RHOBTB1: variants seen among roughly 807,000 people sequenced by gnomAD.
RHOBTB1 encodes Rho related BTB domain containing 1.
RHOBTB1 carries 40 observed loss-of-function variants against 71.6 expected under a neutral mutation model. The observed-to-expected ratio is 0.56, with a 90% CI of 0.43 to 0.73. RHOBTB1 has a LOEUF of 0.73. Among genes scored for constraint, RHOBTB1 ranks in the 30% least tolerant of loss-of-function variants. The pLI is 0.00. For synonymous variants in RHOBTB1, 319 were observed against 334.9 expected (o/e 0.95, Z 0.52); for missense variants, 797 against 894.0 (o/e 0.89, Z 1.38).
chr10:60,916,591 G>T (rs1336411843), intron 2 of RHOBTB1, among the ~76,000 whole-genome samples: 1 of 152,150 alleles, frequency 6.6e-6, no homozygotes, highest in Non-Finnish European at 1.5e-5. Context: ...TCAGATGATA[G>T]GTCCCTTTTG....
rs1307579957 is a variant in RHOBTB1 at position 60,944,159 on chromosome 10, C to T, written c.-250G>A. 1 of 152,048 alleles carries T rather than the reference C, an allele frequency of 6.6e-6. No individual in the cohort carries two copies. Among genetic ancestry groups the T allele is most frequent in the East Asian group, 2.0e-4 (1 of 5,088 alleles). The allele number at this position is 152,048 out of a possible 1,614,324, so 9.4% of individuals were successfully genotyped here. ...GGCACTGCCTCGCCCTGCCGCCTCG[C>T]CCGGCGCCGTGGCCGCTCTTCCCAG... On this transcript the variant is annotated 5_prime_UTR_variant, in exon 1 of 11. Transcript: ENST00000337910.
intron 4 of RHOBTB1, among the ~76,000 whole-genome samples, chr10:60,900,651 A>T (rs1239209744): frequency 6.6e-6 from 1 of 152,236 alleles, no homozygotes; most frequent in Non-Finnish European, 1.5e-5. Context: ...AAAAGGCCTT[A>T]TGGATATCAG....
intron 2 of RHOBTB1, among the ~76,000 whole-genome samples, chr10:60,917,468 G>T (rs918708737): frequency 3.3e-5 from 5 of 152,172 alleles, no homozygotes; most frequent in African/African-American, 1.2e-4. Flanking sequence ...AGTTCTGGAG[G>T]CTGGAAGTCT....
chr10:60,872,033 G>A, intron 10 of RHOBTB1, 152 bp downstream of exon 10: 1 of 691,968 alleles, frequency 1.4e-6, no homozygotes, highest in Non-Finnish European at 2.6e-6. Flanking sequence ...AATTCCTTAT[G>A]TCATCTCACA....
chr10:60,917,937 A>T (rs1409018381), intron 2 of RHOBTB1, among the ~76,000 whole-genome samples: 4 of 152,250 alleles, frequency 2.6e-5, no homozygotes, highest in Admixed American at 2.6e-4. Context: ...GTATCAATAA[A>T]GAGTTCTAGC....
intron 2 of RHOBTB1, among the ~76,000 whole-genome samples, chr10:60,927,733 A>G (rs2083972086): frequency 6.6e-6 from 1 of 152,218 alleles, no homozygotes; most frequent in African/African-American, 2.4e-5. Flanking sequence ...TTAAATACTT[A>G]TATCTAAGAC....
chr10:60,942,919 G>C (rs904122905), intron 1 of RHOBTB1, among the ~76,000 whole-genome samples: 7 of 151,960 alleles, frequency 4.6e-5, no homozygotes, highest in African/African-American at 1.7e-4. Context: ...GCAGCGGTTG[G>C]GGGTGGGGGA....
At chr10:60,943,255 T>C (rs2085013031) in intron 1 of RHOBTB1, among the ~76,000 whole-genome samples, 2 of 152,250 alleles carry the variant, frequency 1.3e-5, no homozygotes, top group Non-Finnish European at 2.9e-5. Context: ...TGTTTGATAC[T>C]GCTGGGGATG....
chr10:60,915,434 A>C (rs1179686610), intron 2 of RHOBTB1, among the ~76,000 whole-genome samples: 2 of 152,140 alleles, frequency 1.3e-5, no homozygotes, highest in Non-Finnish European at 2.9e-5. Flanking sequence ...GGAGACAAGG[A>C]AGGTAGAAAG....
intron 2 of RHOBTB1, among the ~76,000 whole-genome samples, chr10:60,936,783 A>G (rs890787196): frequency 2.6e-5 from 4 of 152,230 alleles, no homozygotes; most frequent in African/African-American, 9.6e-5. Flanking sequence ...AAGCTTGAGC[A>G]CAGCTCTAAA....
At chr10:60,949,873 A>G (rs2085355037) in intron 2 of RHOBTB1, among the ~76,000 whole-genome samples, 2 of 152,206 alleles carry the variant, frequency 1.3e-5, no homozygotes, top group East Asian at 1.9e-4. Flanking sequence ...CTGGGCACCA[A>G]TGAAATGTAG....
chr10:60,933,954 T>G (rs73266026), intron 2 of RHOBTB1, among the ~76,000 whole-genome samples: 9,754 of 152,200 alleles, frequency 0.064, 551 homozygotes, highest in African/African-American at 0.15. Flanking sequence ...GATTGAGATA[T>G]AGATATACTA....
At chr10:60,996,509 G>T (rs2087055695) in intron 1 of RHOBTB1, among the ~76,000 whole-genome samples, 1 of 152,122 alleles carries the variant, frequency 6.6e-6, no homozygotes, top group Non-Finnish European at 1.5e-5. Flanking sequence ...GTCCACCATT[G>T]TAGATGACCT....
At chr10:60,911,981 C>T (rs2082998635) in intron 2 of RHOBTB1, among the ~76,000 whole-genome samples, 1 of 152,110 alleles carries the variant, frequency 6.6e-6, no homozygotes, top group African/African-American at 2.4e-5. Context: ...ATGCTAGCAT[C>T]TACTTCATCA....
intron 2 of RHOBTB1, among the ~76,000 whole-genome samples, chr10:60,969,760 T>A (rs949457495): frequency 2.2e-4 from 33 of 152,174 alleles, no homozygotes; most frequent in African/African-American, 7.7e-4. Context: ...AGTTCTAGAG[T>A]TGTTTACTAG....
intron 2 of RHOBTB1, among the ~76,000 whole-genome samples, chr10:60,928,702 G>A (rs1302959876): frequency 6.6e-6 from 1 of 152,164 alleles, no homozygotes; most frequent in Non-Finnish European, 1.5e-5. Context: ...GTAAGATCTA[G>A]TGTTTGGTAG....
rs1209473163 is a variant in RHOBTB1 at position 60,911,499 on chromosome 10, A to C, written c.44T>G (p.Ile15Ser). ...ATTGTCACCCACGACCACACATTTG[A>C]TAGTTTCAACGTTGGGTCTTTCGTA... Reference protein sequence around the residue: ...MDYERPNVETIKCVVVGDNAV... With the variant: ...MDYERPNVETSKCVVVGDNAV... The change falls in exon 3 of 11, where the codon ATC becomes AGC. Residue 15 changes from isoleucine (I) to serine (S), a missense_variant. Ile to Ser is a moderately radical substitution (Grantham distance 142). Coordinates refer to ENST00000337910, the MANE Select transcript of RHOBTB1 (RefSeq NM_014836.5). 1 of 1,614,194 alleles carries C rather than the reference A, an allele frequency of 6.2e-7. No individual in the cohort carries two copies. Among genetic ancestry groups the C allele is most frequent in the South Asian group, 1.1e-5 (1 of 91,088 alleles).
rs539964463 is a variant in RHOBTB1 at position 60,962,054 on chromosome 10, G to A, written c.-61-20200C>T. 2.1e-4 allele frequency among the ~76,000 whole-genome samples: 32 copies of A among 151,938 alleles called. No homozygotes were observed. In the East Asian group the frequency reaches 5.2e-3, roughly 25 times the overall value. On this transcript the variant is annotated intron_variant, in intron 2 of 11. Coordinates refer to the RHOBTB1 transcript ENST00000357917. ...AACTCCTGACCTGAATTGATCCGCCGGCCTCGGCCTCTTAAAATGCTAGGA... is the reference window on the plus strand; with the variant it reads ...AACTCCTGACCTGAATTGATCCGCCAGCCTCGGCCTCTTAAAATGCTAGGA...
intron 2 of RHOBTB1, among the ~76,000 whole-genome samples, chr10:60,915,335 A>G (rs970535628): frequency 1.4e-4 from 22 of 152,156 alleles, no homozygotes; most frequent in African/African-American, 5.3e-4. Flanking sequence ...AGTAATAAGT[A>G]TTATTCATTT....
Sources: allele counts gnomAD v4.1 joint callset (sites outside exome capture counted in the v4.1 genomes callset), GRCh38; gene constraint gnomAD v4.1.1; transcripts MANE v1.5; gene names NCBI Gene and HGNC (gene_info 2026-07-23, HGNC 2026-07-21).